Variants in NOSIP observed in about 807,000 individuals in gnomAD.
NOSIP encodes the protein nitric oxide synthase-interacting protein.
In NOSIP, 25 loss-of-function variants were observed where a neutral mutation model predicts 36.4. The ratio of observed to expected loss-of-function variants is 0.69; its 90% CI spans 0.50 to 0.96. NOSIP has a LOEUF of 0.96. Among genes scored for constraint, NOSIP ranks in the 40% least tolerant of loss-of-function variants. NOSIP has a pLI of 0.00. For synonymous variants in NOSIP, 187 were observed against 179.2 expected, an observed-to-expected ratio of 1.04 and a Z score of -0.35; for missense variants, 370 against 429.0, an observed-to-expected ratio of 0.86 and a Z score of 1.21.
At chr19:49,564,918 G>T (rs1290937173) in intron 1 of NOSIP, among the ~76,000 whole-genome samples, 2 of 152,088 alleles carry the variant, frequency 1.3e-5, no homozygotes, top group Non-Finnish European at 2.9e-5. Flanking sequence ...ACACGCAAAA[G>T]AAAACTTACT....
intron 1 of NOSIP, among the ~76,000 whole-genome samples, chr19:49,562,108 G>A (rs1055120261): frequency 2.6e-5 from 4 of 152,044 alleles, no homozygotes; most frequent in Non-Finnish European, 4.4e-5. Flanking sequence ...CCAGTAAACA[G>A]CCTGCATGCC....
At chr19:49,564,926 AC>A (rs2080386278) in intron 1 of NOSIP, among the ~76,000 whole-genome samples, 1 of 152,134 alleles carries the variant, frequency 6.6e-6, no homozygotes, top group Admixed American at 6.6e-5. Context: ...AAGAAAACTT[AC>A]TGTATGATCC....
intron 3 of NOSIP, 58 bp from the exon 4 acceptor site, chr19:49,559,036 C>G (rs59279440): frequency 0.02 from 27,847 of 1,409,574 alleles, 380 homozygotes; most frequent in Middle Eastern, 0.062. Context: ...CTCGGCCTCC[C>G]GAAGTGCTGG....
At chr19:49,570,505 AT>A (rs1327723783) in intron 1 of NOSIP, among the ~76,000 whole-genome samples, 2 of 152,088 alleles carry the variant, frequency 1.3e-5, no homozygotes, top group Non-Finnish European at 2.9e-5. Context: ...CCCTATGGAG[AT>A]ACAGAACCTT....
chr19:49,562,223 G>A (rs1392216250), intron 1 of NOSIP, among the ~76,000 whole-genome samples: 2 of 152,164 alleles, frequency 1.3e-5, no homozygotes, highest in African/African-American at 4.8e-5. Flanking sequence ...CCAAGTTAAA[G>A]CGATTCTCCT....
intron 1 of NOSIP, among the ~76,000 whole-genome samples, chr19:49,573,408 G>C (rs555908707): frequency 1.3e-5 from 2 of 152,136 alleles, no homozygotes; most frequent in South Asian, 2.1e-4. Flanking sequence ...AGCTACCTCC[G>C]TTACAGCCCG....
chr19:49,564,112 A>C (rs2080370810), intron 1 of NOSIP, among the ~76,000 whole-genome samples: 1 of 151,964 alleles, frequency 6.6e-6, no homozygotes, highest in Non-Finnish European at 1.5e-5. Context: ...GTAATTTGTT[A>C]CAACAATGAT....
rs1019951077 is a variant in NOSIP at position 49,557,754 on chromosome 19, G to A, written c.259-505C>T. The A allele has an allele frequency of 7.1e-6, 7 of 990,090 alleles. No individual in the cohort carries two copies. In the South Asian group the frequency reaches 2.3e-4, roughly 33 times the overall value. 61.3% of individuals were successfully genotyped at this position (990,090 alleles called of 1,614,324 possible). On this transcript the variant is annotated intron_variant, in intron 4 of 8. Coordinates refer to ENST00000596358, the MANE Select transcript of NOSIP (RefSeq NM_001270960.2). ...CTATGGACGGACAGTGAGTGAGGAC[G>A]GGAGAAGTGAAGCCATGACCTGAGC...
intron 8 of NOSIP, 35 bp from the exon 9 acceptor site, chr19:49,555,857 CG>C (rs2080230263): frequency 2.6e-6 from 4 of 1,554,248 alleles, no homozygotes; most frequent in Non-Finnish European, 3.5e-6. Flanking sequence ...AGGTAGAGGC[CG>C]GCCCGGGGGT....
At chr19:49,579,677 C>G (rs1007906592) in intron 1 of NOSIP, among the ~76,000 whole-genome samples, 1 of 152,092 alleles carries the variant, frequency 6.6e-6, no homozygotes. Flanking sequence ...TGTAGATTCA[C>G]GAATAAATGC....
chr19:49,556,295 A>C, intron 8 of NOSIP, 22 bp downstream of exon 8: 2 of 1,225,006 alleles, frequency 1.6e-6, no homozygotes, highest in East Asian at 3.4e-5. Flanking sequence ...TGCTGGGGGA[A>C]GGGGAGGGGT....
chr19:49,566,964 C>T (rs963284740), intron 1 of NOSIP, among the ~76,000 whole-genome samples: 37 of 151,226 alleles, frequency 2.4e-4, no homozygotes, highest in African/African-American at 8.0e-4. Context: ...TACAGGCGCG[C>T]ACCACCATGC....
rs780937363 is a variant in NOSIP, at chr19:49,573,183, A to G, written c.-2+7332T>C. 4.2e-4 allele frequency among the ~76,000 whole-genome samples: 64 copies of G among 152,142 alleles called. No homozygotes were observed. In the Middle Eastern group the frequency reaches 0.017, roughly 40 times the overall value. On this transcript the variant is annotated intron_variant, in intron 1 of 8. Transcript: ENST00000596358. ...TCCTACAGCTGTGTTTGATCCAAGC[A>G]CCTGTGGCTTTGACCATCCACTGTG...
chr19:49,560,123 A>G lies in NOSIP; in HGVS notation c.71-84T>C, dbSNP rs1464774431. ...TCCAAAGCCCCAGAGAGAGGCACAG[A>G]GACAACGCGGTGGTGGGGGTGGGGG... On this transcript the variant is annotated intron_variant, in intron 2 of 8. Coordinates refer to ENST00000596358, the MANE Select transcript of NOSIP (RefSeq NM_001270960.2). The surrounding 1 kb of genome is among the most constrained non-coding windows in gnomAD (Gnocchi z 4.6). The G allele has an allele frequency of 3.3e-6, 3 of 902,726 alleles. No homozygotes were observed. Among genetic ancestry groups the G allele is most frequent in the Non-Finnish European group, 5.2e-6 (3 of 579,188 alleles). 55.9% of individuals were successfully genotyped at this position (902,726 alleles called of 1,614,324 possible). A position where few individuals can be genotyped will look rare whatever the true frequency, so the allele number is the denominator to read the frequency against.
intron 1 of NOSIP, among the ~76,000 whole-genome samples, chr19:49,577,767 GAAA>G (rs61302412): frequency 6.6e-5 from 8 of 121,680 alleles, no homozygotes; most frequent in African/African-American, 1.5e-4. Flanking sequence ...CGTGTCTCGG[GAAA>G]AAAAAAAAAA....
Position 49,564,410 on chromosome 19 carries a change from C to T in NOSIP, c.-1-3718G>A, listed in dbSNP as rs147513478. On this transcript the variant is annotated intron_variant, in intron 1 of 8. Transcript: ENST00000596358. The stretch of plus-strand genomic sequence containing the variant: ...CGGAGGTTGCAGTGAGCCAAGATCA[C>T]GCCACGGCACTCTAGCCTAGGGGAC... Among the ~76,000 whole-genome samples the T allele has an allele frequency of 1.0e-3, 147 of 145,364 alleles. 1 individual carries two copies. Among genetic ancestry groups the T allele is most frequent in the South Asian group, 4.6e-3 (21 of 4,578 alleles).
At chr19:49,577,359 C>G (rs1405387040) in intron 1 of NOSIP, among the ~76,000 whole-genome samples, 1 of 151,540 alleles carries the variant, frequency 6.6e-6, no homozygotes, top group Non-Finnish European at 1.5e-5. Context: ...GAAATCGAGA[C>G]CATCCTGGCC....
Position 49,556,818 on chromosome 19 carries a change from C to T in NOSIP, c.537+57G>A, listed in dbSNP as rs2080255738. On this transcript the variant is annotated intron_variant, in intron 6 of 8. Transcript: ENST00000596358. ...GCGTGGTCCCTGTGCGTGAGGAGGACGGTGGGGAACCCTGGCGCCCTGGCA... is the reference window on the plus strand; with the variant it reads ...GCGTGGTCCCTGTGCGTGAGGAGGATGGTGGGGAACCCTGGCGCCCTGGCA... 1.3e-5 allele frequency: 21 copies of T among 1,596,130 alleles called. No homozygotes were observed. The South Asian group carries it at 1.8e-4, about 13-fold the overall frequency.
chr19:49,566,600 C>T (rs1302510403), intron 1 of NOSIP: 1 of 152,014 alleles, frequency 6.6e-6, no homozygotes, highest in Non-Finnish European at 1.5e-5. Context: ...TGCACCCAAC[C>T]CTGCTTTTAA....
Sources: gnomAD v4.1 joint callset for allele counts (sites outside exome capture counted in the v4.1 genomes callset) on GRCh38, gnomAD v4.1.1 for gene constraint, Gnocchi (gnomAD v3.1) non-coding constraint, MANE v1.5 for transcripts, NCBI Gene and HGNC (gene_info 2026-07-23, HGNC 2026-07-21) for gene names.